Variants in KMT2A observed in about 807,000 individuals in gnomAD.
The protein encoded by KMT2A is lysine methyltransferase 2A, also known as histone-lysine N-methyltransferase 2A.
In KMT2A, 16 loss-of-function variants were observed where a neutral mutation model predicts 345.3. That is an observed-to-expected ratio of 0.05 (90% CI 0.03 to 0.07). The LOEUF (loss-of-function observed/expected upper bound fraction) is 0.07. KMT2A is among the 10% of genes least tolerant of loss of function. The pLI is 1.00. For synonymous variants in KMT2A, 1,599 were observed against 1,778.6 expected, an observed-to-expected ratio of 0.90 and a Z score of 2.54; for missense variants, 3,272 against 4,841.6, an observed-to-expected ratio of 0.68 and a Z score of 9.62.
At chr11:118,482,321 A>ATTT in intron 7 of KMT2A, 101 bp from the exon 8 acceptor site, 2 of 818,580 alleles carry the variant, frequency 2.4e-6, no homozygotes, top group Non-Finnish European at 3.8e-6. Context: ...GAGTTTAAAT[A>ATTT]GTTTTTTTTT....
At position 118,502,951 on chromosome 11, in the gene KMT2A, C is replaced by A. The variant is rs2134387895; in HGVS notation, c.7059C>A (p.Ser2353=). Residue 2353 remains serine (S), a synonymous_variant, in exon 27 of 36, where the codon TCC becomes TCA. Transcript: ENST00000534358. The surrounding 1 kb of genome is among the most constrained non-coding windows in gnomAD (Gnocchi z 4.9). ...AACTGAATGTTAGTAAAATCGGCTC[C>A]TTTGCTGAACCCTCTTCAGTGTCGT... ...SRELNVSKIG[S]FAEPSSVSFS... 3 of 1,614,174 alleles carry A rather than the reference C, an allele frequency of 1.9e-6. No individual in the cohort carries two copies. The South Asian group carries it at 3.3e-5, about 18-fold the overall frequency.
At chr11:118,470,845 G>A (rs7933684) in intron 2 of KMT2A, among the ~76,000 whole-genome samples, 128 of 152,268 alleles carry the variant, frequency 8.4e-4, no homozygotes, top group African/African-American at 3.0e-3. Flanking sequence ...TTGTTTTCTT[G>A]AATGGCTTGA....
In KMT2A at chr11:118,503,527, T is replaced by C. The variant is rs782776461; in HGVS notation, c.7635T>C (p.Ser2545=). 228 of 1,614,010 alleles carry C rather than the reference T, an allele frequency of 1.4e-4. No individual in the cohort carries two copies. The highest frequency in any genetic ancestry group is 1.8e-4 in the Non-Finnish European group (218 of 1,179,994). Residue 2545 remains serine (S), a synonymous_variant, in exon 27 of 36, where the codon AGT becomes AGC. Transcript: ENST00000534358. This position sits in a 1 kb window ranked among gnomAD's most constrained non-coding sequence, Gnocchi z 5.3. ...ESQSKNALKE[S]SPASPLQIES... ...AATCCAAAAATGCCCTGAAAGAAAG[T>C]AGTCCTGCTTCCCCTTTGCAAATAG... is the stretch of plus-strand genomic sequence containing the variant.
chr11:118,519,865 C>T (rs1555052936), intron 32 of KMT2A, 73 bp downstream of exon 32: 4 of 1,563,200 alleles, frequency 2.6e-6, no homozygotes, highest in South Asian at 1.1e-5. Context: ...CATCTTCCCA[C>T]ATACCCTTTG....
chr11:118,495,303 C>T lies in KMT2A; in HGVS notation c.5364-397C>T, dbSNP rs1555043677. ...CCTCCCAAGTAGCTGGGAAAACAGG[C>T]GGGCACCACCATGCCCAGCTAATTT... On this transcript the variant is annotated intron_variant, in intron 18 of 35. Coordinates refer to ENST00000534358, the MANE Select transcript of KMT2A (RefSeq NM_001197104.2). This position sits in a 1 kb window ranked among gnomAD's most constrained non-coding sequence, Gnocchi z 4.1. Among the ~76,000 whole-genome samples, 1 of 151,928 alleles carries T rather than the reference C, an allele frequency of 6.6e-6. No individual in the cohort carries two copies. Among genetic ancestry groups the T allele is most frequent in the Non-Finnish European group, 1.5e-5 (1 of 67,972 alleles).
chr11:118,462,379 G>A (rs935591134), intron 1 of KMT2A, among the ~76,000 whole-genome samples: 34 of 152,234 alleles, frequency 2.2e-4, no homozygotes, highest in South Asian at 4.1e-4. Context: ...GAAGTTCCAA[G>A]TTAGAAGACT....
chr11:118,503,408 A>G lies in KMT2A; in HGVS notation c.7516A>G (p.Met2506Val), dbSNP rs370745462. Residue 2506 changes from methionine to valine, a missense_variant, in exon 27 of 36, where the codon ATG becomes GTG. Physicochemically the swap from Met to Val is conservative, Grantham distance 21. Coordinates refer to ENST00000534358, the MANE Select transcript of KMT2A (RefSeq NM_001197104.2). The surrounding 1 kb of genome is among the most constrained non-coding windows in gnomAD (Gnocchi z 5.3). ...GCCAGGAGTCCCCAAAGCTCCACCC[A>G]TGCAAGTAGAAGGATCTGCCAAGGA... ...SMPGVPKAPP[M>V]QVEGSAKELQ... 7 of 1,614,010 alleles carry G rather than the reference A, an allele frequency of 4.3e-6. No individual in the cohort carries two copies. Among genetic ancestry groups the G allele is most frequent in the Non-Finnish European group, 5.9e-6 (7 of 1,180,008 alleles).
rs781796607 is a variant in KMT2A at position 118,472,873 on chromosome 11, C to T, written c.1714C>T (p.Leu572=). The change falls in exon 3 of 36, where the codon CTG becomes TTG. Residue 572 remains leucine, a synonymous_variant. Coordinates refer to ENST00000534358, the MANE Select transcript of KMT2A (RefSeq NM_001197104.2). Reference sequence around the variant, plus strand: ...ACCTCTGCTGACTCCACCGCCACCACTGCAGCCAGCCTCCAGTATCTCTGA... The same window carrying T: ...ACCTCTGCTGACTCCACCGCCACCATTGCAGCCAGCCTCCAGTATCTCTGA... ...PPPLLTPPPP[L]QPASSISDHT... The T allele has an allele frequency of 1.2e-6, 2 of 1,614,086 alleles. No individual in the cohort carries two copies. Among genetic ancestry groups the T allele is most frequent in the East Asian group, 4.5e-5 (2 of 44,882 alleles).
At chr11:118,501,301 T>C (rs546510417) in intron 25 of KMT2A, among the ~76,000 whole-genome samples, 154 bp downstream of exon 25, 1 of 151,886 alleles carries the variant, frequency 6.6e-6, no homozygotes, top group East Asian at 1.9e-4. Context: ...CTACTAAAAA[T>C]ACAAAAAAAT....
Position 118,472,707 on chromosome 11 carries a change from C to G in KMT2A, c.1548C>G (p.Ser516=), listed in dbSNP as rs1169358473. 1 of 1,613,328 alleles carries G rather than the reference C, an allele frequency of 6.2e-7. No individual in the cohort carries two copies. The highest frequency in any genetic ancestry group is 1.3e-5 in the African/African-American group (1 of 74,584). Residue 516 remains serine, a synonymous_variant, in exon 3 of 36, where the codon TCC becomes TCG. Coordinates refer to ENST00000534358, the MANE Select transcript of KMT2A (RefSeq NM_001197104.2). The part of the protein sequence containing the change: ...TPEVHPPLPI[S]QSPENESNDR... ...AAGTTCATCCTCCACTGCCCATTTC[C>G]CAGTCCCCAGAAAATGAGAGTAATG...
rs782198350 is a variant in KMT2A at position 118,484,203 on chromosome 11, T to C, written c.4107T>C (p.Asn1369=). The C allele has an allele frequency of 6.2e-7, 1 of 1,614,182 alleles. No individual in the cohort carries two copies. The highest frequency in any genetic ancestry group is 8.5e-7 in the Non-Finnish European group (1 of 1,180,034). The change falls in exon 9 of 36, where the codon AAT becomes AAC. Residue 1369 remains asparagine, a synonymous_variant. Coordinates refer to ENST00000534358, the MANE Select transcript of KMT2A (RefSeq NM_001197104.2). This position sits in a 1 kb window ranked among gnomAD's most constrained non-coding sequence, Gnocchi z 4.1. ...CTTAGGAAAAACCACCTCCGGTCAA[T>C]AAGCAGGAGAATGCAGGCACTTTGA... ...PKEKEKPPPV[N]KQENAGTLNI...
chr11:118,463,712 C>G (rs1436482262), intron 1 of KMT2A, among the ~76,000 whole-genome samples: 1 of 152,156 alleles, frequency 6.6e-6, no homozygotes, highest in African/African-American at 2.4e-5. Context: ...TTTAGAGCTT[C>G]ATTTTCTTCA....
chr11:118,505,137 T>G lies in KMT2A; in HGVS notation c.9245T>G (p.Ile3082Arg). The change falls in exon 27 of 36, where the codon ATA becomes AGA. Residue 3082 changes from isoleucine (I) to arginine (R), a missense_variant. Transcript: ENST00000534358. This position sits in a 1 kb window ranked among gnomAD's most constrained non-coding sequence, Gnocchi z 4.6. ...CTGAAGCCAGCCACTGAGAAACTCA[T>G]AGTTGTTAACCAGAACATGCAGCCA... ...PHLKPATEKL[I>R]VVNQNMQPLY... is the part of the protein sequence containing the mutation. 1 of 1,614,190 alleles carries G rather than the reference T, an allele frequency of 6.2e-7. No individual in the cohort carries two copies.
chr11:118,514,803 T>C (rs1174305949), intron 31 of KMT2A, among the ~76,000 whole-genome samples: 1 of 152,064 alleles, frequency 6.6e-6, no homozygotes, highest in African/African-American at 2.4e-5. Flanking sequence ...CTGGCTAATT[T>C]TGTATTTTTA....
rs1359711142 is a variant in KMT2A, at chr11:118,497,226, A to C, written c.5665-710A>C. 2.0e-5 allele frequency among the ~76,000 whole-genome samples: 3 copies of C among 151,634 alleles called. No individual in the cohort carries two copies. Among genetic ancestry groups the C allele is most frequent in the Non-Finnish European group, 2.9e-5 (2 of 67,920 alleles). ...TCCATGTTGGTCAGGCTGGTCTCAA[A>C]CTCCCGACCCCAGGTGATCCACCCA... On this transcript the variant is annotated intron_variant, in intron 20 of 35. Transcript: ENST00000534358. This position sits in a 1 kb window ranked among gnomAD's most constrained non-coding sequence, Gnocchi z 4.8.
intron 2 of KMT2A, 46 bp downstream of exon 2, chr11:118,468,890 G>T: frequency 6.7e-7 from 1 of 1,488,898 alleles, no homozygotes; most frequent in South Asian, 1.1e-5. Flanking sequence ...TTGTTTGTTA[G>T]GAGATTGTGG....
intron 5 of KMT2A, among the ~76,000 whole-genome samples, chr11:118,479,344 C>T (rs188092390): frequency 2.0e-5 from 3 of 152,158 alleles, no homozygotes; most frequent in East Asian, 1.9e-4. Context: ...TAAAATAGAT[C>T]GAGATAGTAG....
Position 118,509,151 on chromosome 11 carries a change from T to C in KMT2A, c.10851T>C (p.Leu3617=). The change falls in exon 29 of 36, where the codon CTT becomes CTC. Residue 3617 remains leucine, a synonymous_variant. Coordinates refer to ENST00000534358, the MANE Select transcript of KMT2A (RefSeq NM_001197104.2). ...CGQPAGQVAV[L]PEVQVTQNPA... ...TTTTATTTAGGCAAGTCGCTGTTCTTCCGGAAGTTCAGGTGACCCAAAATC... is the reference window on the plus strand; with the variant it reads ...TTTTATTTAGGCAAGTCGCTGTTCTCCCGGAAGTTCAGGTGACCCAAAATC... 1.2e-6 allele frequency: 2 copies of C among 1,613,978 alleles called. No individual in the cohort carries two copies. Among genetic ancestry groups the C allele is most frequent in the South Asian group, 2.2e-5 (2 of 91,064 alleles).
chr11:118,514,758 C>T (rs529276917), intron 31 of KMT2A, among the ~76,000 whole-genome samples: 24 of 152,152 alleles, frequency 1.6e-4, no homozygotes, highest in Admixed American at 4.6e-4. Context: ...CTCAGCCTCC[C>T]GAGTAGCTGG....
Sources: allele counts gnomAD v4.1 joint callset (sites outside exome capture counted in the v4.1 genomes callset), GRCh38; gene constraint gnomAD v4.1.1; non-coding constraint Gnocchi (gnomAD v3.1); transcripts MANE v1.5; gene names NCBI Gene and HGNC (gene_info 2026-07-23, HGNC 2026-07-21).